EYA1: variants seen among roughly 807,000 people sequenced by gnomAD.
EYA1 encodes the protein protein phosphatase EYA1.
Under a neutral mutation model 82.0 loss-of-function variants are expected in EYA1, and 16 were observed. The observed-to-expected ratio is 0.20, with a 90% CI of 0.13 to 0.30. The LOEUF is 0.30. EYA1 is among the 10% of genes least tolerant of loss of function. The probability of loss-of-function intolerance (pLI) is 1.00; values close to 1 mark genes in which losing one functional copy is unlikely to be tolerated. For missense variants in EYA1, 633 were observed against 730.7 expected (o/e 0.87, Z 1.54); for synonymous variants, 261 against 264.4 (o/e 0.99, Z 0.12).
intron 2 of EYA1, among the ~76,000 whole-genome samples, chr8:71,393,953 C>T (rs1276918667): frequency 6.6e-6 from 1 of 151,096 alleles, no homozygotes; most frequent in African/African-American, 2.4e-5. Context: ...TCTCCAGCAT[C>T]TGTTTCCTGC....
chr8:71,377,220 A>G (rs1249628541), intron 2 of EYA1, among the ~76,000 whole-genome samples: 1 of 152,234 alleles, frequency 6.6e-6, no homozygotes, highest in Non-Finnish European at 1.5e-5. Context: ...GCACCATGAA[A>G]GAAGCCCAAG....
chr8:71,452,556 C>A (rs2129181345), intron 2 of EYA1, among the ~76,000 whole-genome samples: 1 of 152,236 alleles, frequency 6.6e-6, no homozygotes, highest in African/African-American at 2.4e-5. Context: ...GACTGGGTAC[C>A]CCTCTGAGAT....
chr8:71,388,114 A>C (rs1311127761), intron 2 of EYA1, among the ~76,000 whole-genome samples: 1 of 152,136 alleles, frequency 6.6e-6, no homozygotes, highest in Non-Finnish European at 1.5e-5. Flanking sequence ...TCAAAAAGAA[A>C]ATACCTTGCC....
intron 3 of EYA1, among the ~76,000 whole-genome samples, chr8:71,341,429 A>T (rs1825115141): frequency 6.6e-6 from 1 of 152,214 alleles, no homozygotes; most frequent in African/African-American, 2.4e-5. Context: ...CAAATGATTT[A>T]AAAAGGGGCA....
intron 11 of EYA1, among the ~76,000 whole-genome samples, chr8:71,262,457 G>A (rs948125718): frequency 2.6e-5 from 4 of 152,082 alleles, no homozygotes; most frequent in African/African-American, 9.7e-5. Context: ...AATAGCTCTT[G>A]TTCATGAAGT....
At chr8:71,266,045 A>C (rs2128940390) in intron 11 of EYA1, among the ~76,000 whole-genome samples, 1 of 152,270 alleles carries the variant, frequency 6.6e-6, no homozygotes, top group East Asian at 1.9e-4. Context: ...ACATGCCCTA[A>C]TTTTGCATTG....
chr8:71,252,218 C>T (rs535820173), intron 11 of EYA1, among the ~76,000 whole-genome samples: 1 of 151,902 alleles, frequency 6.6e-6, no homozygotes, highest in Non-Finnish European at 1.5e-5. Flanking sequence ...TCACACACAC[C>T]AGATGAAGGC....
At chr8:71,261,777 A>G (rs1053625625) in intron 11 of EYA1, among the ~76,000 whole-genome samples, 2 of 152,194 alleles carry the variant, frequency 1.3e-5, no homozygotes, top group Non-Finnish European at 2.9e-5. Context: ...CAAGGGGCCC[A>G]TGGGGTGCTA....
At chr8:71,501,445 G>A (rs1811797381) in intron 2 of EYA1, among the ~76,000 whole-genome samples, 1 of 152,186 alleles carries the variant, frequency 6.6e-6, no homozygotes, top group African/African-American at 2.4e-5. Context: ...AGTTATCTTA[G>A]AAATGTGATT....
intron 7 of EYA1, among the ~76,000 whole-genome samples, chr8:71,304,021 T>C (rs1426928756): frequency 7.0e-6 from 1 of 142,662 alleles, no homozygotes; most frequent in African/African-American, 2.5e-5. Flanking sequence ...AGTTCTGATA[T>C]ACACTAAAGT....
chr8:71,450,173 G>T (rs1807237953), intron 2 of EYA1, among the ~76,000 whole-genome samples: 1 of 152,198 alleles, frequency 6.6e-6, no homozygotes, highest in Non-Finnish European at 1.5e-5. Flanking sequence ...TTTACTTCAA[G>T]GACTTTTCTT....
intron 12 of EYA1, among the ~76,000 whole-genome samples, chr8:71,237,453 C>A (rs902069478): frequency 6.6e-6 from 1 of 152,060 alleles, no homozygotes; most frequent in Admixed American, 6.6e-5. Flanking sequence ...AATCTTAGTT[C>A]TTTGATTGGT....
At chr8:71,470,175 CT>C (rs1809077414) in intron 2 of EYA1, among the ~76,000 whole-genome samples, 1 of 152,052 alleles carries the variant, frequency 6.6e-6, no homozygotes, top group Non-Finnish European at 1.5e-5. Flanking sequence ...CTATGAGAGT[CT>C]TCCTGAAGAT....
At chr8:71,547,755 C>G (rs1043632098) in intron 1 of EYA1, 2 of 150,962 alleles carry the variant, frequency 1.3e-5, no homozygotes, top group African/African-American at 4.8e-5. Context: ...GAGGCAGAAG[C>G]CGGCGGGGCG....
rs537889065 is a variant in EYA1 at position 71,482,055 on chromosome 8, T to C, written c.33+53689A>G. On this transcript the variant is annotated intron_variant, in intron 2 of 18. Transcript: ENST00000643681. ...GAAAATATTAAAAAGTTAGCCTTCA[T>C]TAAAATTTAGAATTTCTATTTGTCA... Among the ~76,000 whole-genome samples the C allele has an allele frequency of 1.8e-3, 268 of 152,274 alleles. 2 individuals are homozygous for C. Among genetic ancestry groups the C allele is most frequent in the African/African-American group, 6.2e-3 (257 of 41,552 alleles).
intron 1 of EYA1, among the ~76,000 whole-genome samples, chr8:71,542,377 T>C (rs1161674562): frequency 6.6e-6 from 1 of 152,142 alleles, no homozygotes; most frequent in Non-Finnish European, 1.5e-5. Flanking sequence ...CTCCATTATA[T>C]TGCAAAGGAT....
intron 2 of EYA1, among the ~76,000 whole-genome samples, chr8:71,421,456 A>C (rs549594257): frequency 1.2e-4 from 18 of 152,324 alleles, no homozygotes; most frequent in African/African-American, 4.1e-4. Context: ...GATTTTTCTA[A>C]GTGCCAGTCT....
At chr8:71,209,029 T>A (rs1030547159) in intron 17 of EYA1, among the ~76,000 whole-genome samples, 1 of 152,222 alleles carries the variant, frequency 6.6e-6, no homozygotes, top group Non-Finnish European at 1.5e-5. Flanking sequence ...CAATTTTTGA[T>A]ATTAAACTTT....
At chr8:71,453,555 G>C (rs1304210321) in intron 2 of EYA1, among the ~76,000 whole-genome samples, 1 of 152,226 alleles carries the variant, frequency 6.6e-6, no homozygotes, top group Non-Finnish European at 1.5e-5. Flanking sequence ...AAGCCCATCA[G>C]ACTAACAGCT....
Sources: allele counts gnomAD v4.1 joint callset (sites outside exome capture counted in the v4.1 genomes callset), GRCh38; gene constraint gnomAD v4.1.1; transcripts MANE v1.5; gene names NCBI Gene and HGNC (gene_info 2026-07-23, HGNC 2026-07-21).